The following GRM1 variants were observed in gnomAD, a reference collection of about 807,000 sequenced individuals.
GRM1 encodes the protein glutamate metabotropic receptor 1, also known as metabotropic glutamate receptor 1.
GRM1 carries 33 observed loss-of-function variants against 90.9 expected under a neutral mutation model. The ratio of observed to expected loss-of-function variants is 0.36; its 90% CI spans 0.28 to 0.49. The LOEUF (loss-of-function observed/expected upper bound fraction) is 0.49. GRM1 is among the 20% of genes least tolerant of loss of function. The probability of loss-of-function intolerance (pLI) is 0.99; values close to 1 mark genes in which losing one functional copy is unlikely to be tolerated. For missense variants in GRM1, 1,190 were observed against 1,534.3 expected (o/e 0.78, Z 3.75); for synonymous variants, 700 against 613.2 (o/e 1.14, Z -2.09).
intron 1 of GRM1, among the ~76,000 whole-genome samples, chr6:146,045,202 A>C (rs1791280570): frequency 6.6e-6 from 1 of 152,046 alleles, no homozygotes; most frequent in African/African-American, 2.4e-5. Context: ...TAAAATGTGC[A>C]AATTTAAAAA....
At chr6:146,155,779 C>T (rs997060615) in intron 1 of GRM1, among the ~76,000 whole-genome samples, 2 of 152,156 alleles carry the variant, frequency 1.3e-5, no homozygotes, top group African/African-American at 2.4e-5. Flanking sequence ...CTCACTTTCC[C>T]TCCCTCACCT....
intron 5 of GRM1, among the ~76,000 whole-genome samples, chr6:146,376,489 T>C (rs930838466): frequency 6.6e-6 from 1 of 152,150 alleles, no homozygotes; most frequent in African/African-American, 2.4e-5. Flanking sequence ...AGCTTTTGTC[T>C]GGGAGTCTTT....
At position 146,159,341 on chromosome 6, in the gene GRM1, T is replaced by C. The variant is rs550091460; in HGVS notation, c.701-7T>C. 5.6e-6 allele frequency: 9 copies of C among 1,614,098 alleles called. No individual in the cohort carries two copies. The Admixed American group carries it at 1.3e-4, about 24-fold the overall frequency. ...GTCTTGAACATCTGCTGATTGTTTC[T>C]GGACAGGGAATTATGGGGAGAGCGG... On this transcript the variant is annotated splice_polypyrimidine_tract_variant and splice_region_variant and intron_variant, in intron 1 of 7. Transcript: ENST00000282753.
chr6:146,296,146 T>G (rs946165101), intron 2 of GRM1, among the ~76,000 whole-genome samples: 1 of 152,242 alleles, frequency 6.6e-6, no homozygotes, highest in Non-Finnish European at 1.5e-5. Flanking sequence ...TGATTCTGTG[T>G]CTTTGCTATT....
chr6:146,028,275 G>GTA (rs1400740828), upstream of GRM1, among the ~76,000 whole-genome samples: 2 of 140,514 alleles, frequency 1.4e-5, no homozygotes, highest in African/African-American at 2.6e-5. Flanking sequence ...GTGTGTGTGT[G>GTA]TGTATGGGTA....
intron 2 of GRM1, among the ~76,000 whole-genome samples, chr6:146,285,096 G>C (rs35951587): frequency 3.5e-4 from 53 of 152,110 alleles, no homozygotes; most frequent in Non-Finnish European, 7.1e-4. Context: ...ATGTCATCTA[G>C]ACAAATTTCT....
At chr6:146,329,632 C>T (rs75048688) in intron 3 of GRM1, among the ~76,000 whole-genome samples, 4,241 of 152,246 alleles carry the variant, frequency 0.028, 66 homozygotes, top group Non-Finnish European at 0.038. Flanking sequence ...CACAGATGCT[C>T]CTTGACTTAT....
chr6:146,332,895 G>A (rs565964525), intron 3 of GRM1, among the ~76,000 whole-genome samples: 4 of 152,036 alleles, frequency 2.6e-5, no homozygotes, highest in African/African-American at 7.2e-5. Flanking sequence ...CTGATATTCC[G>A]GTGACACTGC....
chr6:146,370,690 T>A (rs1460173594), intron 5 of GRM1, among the ~76,000 whole-genome samples: 3 of 152,018 alleles, frequency 2.0e-5, no homozygotes, highest in Non-Finnish European at 2.9e-5. Flanking sequence ...GCTCTCAGAA[T>A]AATCTGTCAT....
chr6:146,256,808 A>T (rs888236141), intron 2 of GRM1, among the ~76,000 whole-genome samples: 11 of 151,998 alleles, frequency 7.2e-5, no homozygotes, highest in Non-Finnish European at 1.5e-4. Flanking sequence ...CATCTTCCTA[A>T]AGTCCTCACG....
intron 1 of GRM1, among the ~76,000 whole-genome samples, chr6:146,139,909 TCCCTTCCCTC>T (rs1583059025): frequency 1.0e-5 from 1 of 99,236 alleles, no homozygotes; most frequent in African/African-American, 4.3e-5. Flanking sequence ...TCCCTTCCCT[TCCCTTCCCTC>T]CCCTCCCCTC....
intron 2 of GRM1, among the ~76,000 whole-genome samples, chr6:146,250,261 G>A (rs149897127): frequency 2.7e-4 from 41 of 152,298 alleles, no homozygotes; most frequent in African/African-American, 6.5e-4. Context: ...GATTTGGGAA[G>A]GGCCAGGGGT....
At chr6:146,071,860 G>A (rs928332848) in intron 1 of GRM1, among the ~76,000 whole-genome samples, 4 of 152,112 alleles carry the variant, frequency 2.6e-5, no homozygotes, top group Non-Finnish European at 4.4e-5. Flanking sequence ...TTCAATGGAG[G>A]CTGCTACTGA....
chr6:146,353,379 C>G (rs1785472489), intron 4 of GRM1, among the ~76,000 whole-genome samples: 1 of 152,174 alleles, frequency 6.6e-6, no homozygotes. Context: ...ATGTCCCAGA[C>G]TTAGAGCTTT....
At chr6:146,131,692 A>T (rs1390330001) in intron 1 of GRM1, among the ~76,000 whole-genome samples, 1 of 152,142 alleles carries the variant, frequency 6.6e-6, no homozygotes, top group African/African-American at 2.4e-5. Context: ...GAAGTTATTG[A>T]ATGGAAACTT....
rs148481716 is a variant in GRM1 at position 146,241,495 on chromosome 6, T to G, written c.951-63116T>G. ...TTATTTTATTTAATGATACATGTAT[T>G]TATTTTTGTAAATGATGGTCTCCAT... On this transcript the variant is annotated intron_variant, in intron 2 of 7. Transcript: ENST00000282753. 2.0e-5 allele frequency among the ~76,000 whole-genome samples: 3 copies of G among 152,268 alleles called. No homozygotes were observed. In the East Asian group the frequency reaches 5.8e-4, roughly 29 times the overall value.
At chr6:146,350,659 T>G (rs1425639322) in intron 3 of GRM1, among the ~76,000 whole-genome samples, 2 of 152,198 alleles carry the variant, frequency 1.3e-5, no homozygotes, top group Non-Finnish European at 2.9e-5. Flanking sequence ...GGCCATGGGT[T>G]CTGAGTGACA....
intron 1 of GRM1, among the ~76,000 whole-genome samples, chr6:146,075,852 G>C (rs1417554883): frequency 6.6e-6 from 1 of 152,126 alleles, no homozygotes; most frequent in African/African-American, 2.4e-5. Flanking sequence ...TTTTGTGTGT[G>C]TCTCTGAATG....
chr6:146,395,998 A>G (rs1776910982), intron 6 of GRM1, among the ~76,000 whole-genome samples: 1 of 152,090 alleles, frequency 6.6e-6, no homozygotes, highest in Admixed American at 6.6e-5. Flanking sequence ...ATTTTAATTT[A>G]TTGATTTCAT....
Sources: gnomAD v4.1 joint callset for allele counts (sites outside exome capture counted in the v4.1 genomes callset) on GRCh38, gnomAD v4.1.1 for gene constraint, MANE v1.5 for transcripts, NCBI Gene and HGNC (gene_info 2026-07-23, HGNC 2026-07-21) for gene names.